The following SH3BGR variants were observed in gnomAD, a reference collection of about 807,000 sequenced individuals.
SH3BGR encodes SH3 domain binding glutamate rich protein, also known as SH3 domain-binding glutamic acid-rich protein.
Under a neutral mutation model 24.5 loss-of-function variants are expected in SH3BGR, and 29 were observed. The ratio of observed to expected loss-of-function variants is 1.18; its 90% CI spans 0.88 to 1.61. The LOEUF (loss-of-function observed/expected upper bound fraction) is 1.61, where lower values mean the gene tolerates loss of function less well. Among genes scored for constraint, SH3BGR ranks in the 40% most tolerant of loss-of-function variants. The probability of loss-of-function intolerance (pLI) is 0.00; values close to 1 mark genes in which losing one functional copy is unlikely to be tolerated. For synonymous variants in SH3BGR, 55 were observed against 65.7 expected, an observed-to-expected ratio of 0.84 and a Z score of 0.79; for missense variants, 162 against 205.8, an observed-to-expected ratio of 0.79 and a Z score of 1.30.
chr21:39,462,250 C>T, intron 1 of SH3BGR, 125 bp from the exon 2 acceptor site: 1 of 654,152 alleles, frequency 1.5e-6, no homozygotes, highest in Non-Finnish European at 2.6e-6. Context: ...CTATTATTTT[C>T]CTTGTTTGAA....
chr21:39,482,798 T>C (rs2078151845), intron 3 of SH3BGR, among the ~76,000 whole-genome samples: 1 of 152,040 alleles, frequency 6.6e-6, no homozygotes. Flanking sequence ...GCCTCCAGAG[T>C]AGCTGGGGTT....
At chr21:39,479,351 G>T (rs1225946311) in intron 3 of SH3BGR, among the ~76,000 whole-genome samples, 1 of 149,030 alleles carries the variant, frequency 6.7e-6, no homozygotes, top group Non-Finnish European at 1.5e-5. Flanking sequence ...GATTGTGGTG[G>T]TGATGGTGGA....
chr21:39,469,865 A>G (rs1485157422), intron 2 of SH3BGR, among the ~76,000 whole-genome samples: 6 of 152,044 alleles, frequency 3.9e-5, no homozygotes, highest in African/African-American at 1.4e-4. Context: ...CATGTTGGCC[A>G]GGTTGGTCTT....
At chr21:39,471,693 C>T (rs771052358) in intron 2 of SH3BGR, among the ~76,000 whole-genome samples, 3 of 152,082 alleles carry the variant, frequency 2.0e-5, no homozygotes, top group Non-Finnish European at 4.4e-5. Flanking sequence ...AACTCCTGGG[C>T]TCAAACAATC....
chr21:39,466,105 A>G lies in SH3BGR; in HGVS notation c.231+3545A>G, dbSNP rs138850265. On this transcript the variant is annotated intron_variant, in intron 2 of 6. Coordinates refer to ENST00000333634, the MANE Select transcript of SH3BGR (RefSeq NM_007341.3). Reference sequence around the variant, plus strand: ...CTGGAAGACATCTGAGTTAAAGTACATACGCGTCTCACATTTTGATCAATA... The same window carrying G: ...CTGGAAGACATCTGAGTTAAAGTACGTACGCGTCTCACATTTTGATCAATA... Among the ~76,000 whole-genome samples, 14 of 152,324 alleles carry G rather than the reference A, an allele frequency of 9.2e-5. No individual in the cohort carries two copies. The East Asian group carries it at 2.7e-3, about 29-fold the overall frequency.
chr21:39,450,936 C>A (rs987777765), upstream of SH3BGR, among the ~76,000 whole-genome samples: 48 of 151,830 alleles, frequency 3.2e-4, no homozygotes, highest in African/African-American at 1.1e-3. Context: ...CCTTCCAAGT[C>A]GCTGGAAATA....
chr21:39,461,739 G>T (rs1371817305), intron 1 of SH3BGR, among the ~76,000 whole-genome samples: 1 of 152,086 alleles, frequency 6.6e-6, no homozygotes, highest in East Asian at 1.9e-4. Flanking sequence ...TTTTCAGTTT[G>T]TTTATGTACT....
chr21:39,499,958 CT>C (rs757550202), intron 4 of SH3BGR, 43 bp downstream of exon 4: 3 of 1,368,502 alleles, frequency 2.2e-6, no homozygotes, highest in African/African-American at 1.4e-5. Flanking sequence ...GGATTCTCTG[CT>C]GTTCGAGACT....
chr21:39,469,555 T>C (rs932998492), intron 2 of SH3BGR, among the ~76,000 whole-genome samples: 2 of 151,868 alleles, frequency 1.3e-5, no homozygotes, highest in Non-Finnish European at 2.9e-5. Flanking sequence ...TCTTCTCTAA[T>C]GTCAATATTT....
chr21:39,489,946 T>C (rs550577311), intron 3 of SH3BGR, among the ~76,000 whole-genome samples: 1 of 152,176 alleles, frequency 6.6e-6, no homozygotes, highest in Non-Finnish European at 1.5e-5. Context: ...GATGGAACTA[T>C]GTGAGAAAGG....
At chr21:39,510,630 C>G (rs1487386991) in intron 5 of SH3BGR, among the ~76,000 whole-genome samples, 3 of 151,962 alleles carry the variant, frequency 2.0e-5, no homozygotes, top group African/African-American at 7.3e-5. Flanking sequence ...TAGATTATTT[C>G]TAGTATATTC....
chr21:39,461,451 A>ATTGG (rs1203912109), intron 1 of SH3BGR, among the ~76,000 whole-genome samples: 2 of 152,010 alleles, frequency 1.3e-5, no homozygotes, highest in Non-Finnish European at 2.9e-5. Flanking sequence ...GTAGATCTTA[A>ATTGG]TTGGCTTTTG....
chr21:39,479,240 G>GAT (rs2078082524), intron 3 of SH3BGR, among the ~76,000 whole-genome samples: 3 of 148,206 alleles, frequency 2.0e-5, no homozygotes, highest in African/African-American at 7.4e-5. Flanking sequence ...TGGTGGTGGT[G>GAT]GTGGTGGTGG....
intron 2 of SH3BGR, among the ~76,000 whole-genome samples, chr21:39,468,649 G>A (rs1019343639): frequency 3.3e-5 from 5 of 152,170 alleles, no homozygotes; most frequent in East Asian, 1.9e-4. Context: ...ATGCTGCTGA[G>A]GCTGGTCTTG....
intron 1 of SH3BGR, among the ~76,000 whole-genome samples, chr21:39,461,224 C>T (rs1039011045): frequency 2.0e-5 from 3 of 151,446 alleles, no homozygotes; most frequent in African/African-American, 7.3e-5. Context: ...GCAACCTCCA[C>T]CTCCTGGGTT....
At chr21:39,494,380 T>C (rs1288733041) in intron 3 of SH3BGR, among the ~76,000 whole-genome samples, 3 of 152,072 alleles carry the variant, frequency 2.0e-5, no homozygotes, top group Non-Finnish European at 2.9e-5. Flanking sequence ...TTTAGTCCTT[T>C]AGCATTGTTT....
intron 2 of SH3BGR, among the ~76,000 whole-genome samples, chr21:39,473,471 T>C (rs1260801636): frequency 6.6e-6 from 1 of 152,254 alleles, no homozygotes; most frequent in African/African-American, 2.4e-5. Flanking sequence ...CATGATGTTA[T>C]ATTCCTTTCA....
chr21:39,470,373 C>A (rs1221003484), intron 2 of SH3BGR, among the ~76,000 whole-genome samples: 1 of 152,052 alleles, frequency 6.6e-6, no homozygotes, highest in Non-Finnish European at 1.5e-5. Context: ...ATTCTCCTGC[C>A]TCAGCCTCCT....
At chr21:39,510,150 G>A (rs2078653145) in intron 5 of SH3BGR, among the ~76,000 whole-genome samples, 1 of 127,576 alleles carries the variant, frequency 7.8e-6, no homozygotes, top group Non-Finnish European at 1.6e-5. Context: ...CACCGTGTTA[G>A]CCAAGATGGT....
Sources: allele counts gnomAD v4.1 joint callset (sites outside exome capture counted in the v4.1 genomes callset), GRCh38; gene constraint gnomAD v4.1.1; transcripts MANE v1.5; gene names NCBI Gene and HGNC (gene_info 2026-07-23, HGNC 2026-07-21).